The following RNF125 variants were observed in gnomAD, a reference collection of about 807,000 sequenced individuals.
The protein encoded by RNF125 is E3 ubiquitin-protein ligase RNF125.
Under a neutral mutation model 26.0 loss-of-function variants are expected in RNF125, and 21 were observed. The observed-to-expected ratio is 0.81, with a 90% CI of 0.57 to 1.16. The LOEUF (loss-of-function observed/expected upper bound fraction) is 1.16. Ranked by LOEUF, RNF125 falls within the 50% of genes most tolerant of loss-of-function variation. The pLI is 0.00. For missense variants in RNF125, 270 were observed against 299.4 expected (o/e 0.90, Z 0.72); for synonymous variants, 95 against 109.2 (o/e 0.87, Z 0.81).
At chr18:32,034,118 G>T (rs1216549564) in intron 1 of RNF125, among the ~76,000 whole-genome samples, 4 of 152,210 alleles carry the variant, frequency 2.6e-5, no homozygotes, top group African/African-American at 7.2e-5. Flanking sequence ...TCCTGTGCCT[G>T]GTCTGTTTAG....
In RNF125 at chr18:32,042,283, A is replaced by G. The variant is rs2039228446; in HGVS notation, c.413+10A>G. ...AGGAGACAGCAGCAAGGTTTGTTTC[A>G]ATACAATATAGTTTAATGCTAAAAT... On this transcript the variant is annotated intron_variant, in intron 3 of 5. Coordinates refer to ENST00000217740, the MANE Select transcript of RNF125 (RefSeq NM_017831.4). The G allele has an allele frequency of 6.5e-7, 1 of 1,537,714 alleles. No individual in the cohort carries two copies. Among genetic ancestry groups the G allele is most frequent in the Admixed American group, 1.7e-5 (1 of 58,856 alleles).
At chr18:32,073,604 A>T (rs1380227017), downstream of RNF125, among the ~76,000 whole-genome samples, 6 of 152,256 alleles carry the variant, frequency 3.9e-5, no homozygotes, top group African/African-American at 1.4e-4. Context: ...TGAAATTTAA[A>T]AGGTAAGATG....
At chr18:32,037,080 A>G in intron 1 of RNF125, 36 bp from the exon 2 acceptor site, 1 of 1,559,318 alleles carries the variant, frequency 6.4e-7, no homozygotes, top group Non-Finnish European at 8.6e-7. Flanking sequence ...TATAGCTTTC[A>G]AGGAAAGTGA....
the RNF125 span, among the ~76,000 whole-genome samples, chr18:32,085,374 A>AGATT: frequency 1.1e-3 from 2 of 1,784 alleles, no homozygotes; most frequent in Non-Finnish European, 4.3e-3. Context: ...TGCCAGAAGC[A>AGATT]GAGAGAGAGA....
chr18:32,086,338 T>C, the RNF125 span, among the ~76,000 whole-genome samples: 1 of 146,028 alleles, frequency 6.8e-6, no homozygotes, highest in Non-Finnish European at 1.5e-5. Flanking sequence ...TGCACACCAC[T>C]GCACCTAGAT....
At chr18:32,046,521 C>T (rs868685743) in intron 4 of RNF125, among the ~76,000 whole-genome samples, 73 of 145,740 alleles carry the variant, frequency 5.0e-4, no homozygotes, top group African/African-American at 1.7e-3. Flanking sequence ...GGTGTGAACC[C>T]GGGAGGCGGA....
At position 32,038,487 on chromosome 18, in the gene RNF125, T is replaced by C. The variant is rs116147591; in HGVS notation, c.318+1218T>C. Among the ~76,000 whole-genome samples the C allele has an allele frequency of 8.6e-3, 1,316 of 152,338 alleles. 29 individuals carry two copies. The highest frequency in any genetic ancestry group is 0.03 in the African/African-American group (1,234 of 41,578). On this transcript the variant is annotated intron_variant, in intron 2 of 5. Transcript: ENST00000217740. ...ATTACTCCAGTGATCCTCTATGATA[T>C]GTCCTCCAGTTCTGCTACTCTGTTG... is the stretch of plus-strand genomic sequence containing the variant.
chr18:32,088,309 T>C, the RNF125 span, among the ~76,000 whole-genome samples: 2 of 152,158 alleles, frequency 1.3e-5, no homozygotes, highest in African/African-American at 4.8e-5. Context: ...CATGAGCCTC[T>C]CTCCTGTTCC....
intron 4 of RNF125, among the ~76,000 whole-genome samples, chr18:32,052,036 G>A (rs1216808598): frequency 6.6e-6 from 1 of 152,080 alleles, no homozygotes; most frequent in Non-Finnish European, 1.5e-5. Flanking sequence ...CCTTAAGGAA[G>A]GGACAGGACT....
At position 32,018,832 on chromosome 18, in the gene RNF125, G is replaced by A. The variant is rs769478704; in HGVS notation, c.-32G>A. 1 of 1,523,570 alleles carries A rather than the reference G, an allele frequency of 6.6e-7. No individual in the cohort carries two copies. The allele number at this position is 1,523,570 out of a possible 1,614,324, so 94.4% of individuals were successfully genotyped here. On this transcript the variant is annotated 5_prime_UTR_variant, in exon 1 of 6. Coordinates refer to ENST00000217740, the MANE Select transcript of RNF125 (RefSeq NM_017831.4). ...AACAACCCTGCGGCAGGCACTGAGTGCTTCGCAGCTGTCTGGGCGAGAGGC... is the reference window on the plus strand; with the variant it reads ...AACAACCCTGCGGCAGGCACTGAGTACTTCGCAGCTGTCTGGGCGAGAGGC...
the RNF125 span, among the ~76,000 whole-genome samples, chr18:32,083,396 ATATT>A: frequency 6.6e-6 from 1 of 152,176 alleles, no homozygotes; most frequent in African/African-American, 2.4e-5. Flanking sequence ...AAATGCCTAT[ATATT>A]AAGGGGTAAG....
Position 32,036,604 on chromosome 18 carries a change from G to T in RNF125, c.165-512G>T, listed in dbSNP as rs1012558436. Among the ~76,000 whole-genome samples, 332 of 135,394 alleles carry T rather than the reference G, an allele frequency of 2.5e-3. 2 individuals carry two copies. The highest frequency in any genetic ancestry group is 8.7e-3 in the African/African-American group (318 of 36,412). 88.8% of individuals were successfully genotyped at this position (135,394 alleles called of 152,430 possible). On this transcript the variant is annotated intron_variant, in intron 1 of 5. Coordinates refer to ENST00000217740, the MANE Select transcript of RNF125 (RefSeq NM_017831.4). ...AGGAAAGGAAGGAAGGAAGAAGGGA[G>T]GGAGGGAAGGAGGGAGGGGAGAGGG...
intron 4 of RNF125, among the ~76,000 whole-genome samples, chr18:32,053,543 T>C (rs2039349256): frequency 6.6e-6 from 1 of 151,938 alleles, no homozygotes; most frequent in South Asian, 2.1e-4. Flanking sequence ...TTTGGAAGGC[T>C]AAAGCAGGCA....
chr18:32,020,387 T>C (rs1440311431), intron 1 of RNF125, among the ~76,000 whole-genome samples: 3 of 151,950 alleles, frequency 2.0e-5, no homozygotes, highest in Non-Finnish European at 4.4e-5. Context: ...GATACGTGTG[T>C]GTGTGTTGTG....
At chr18:32,028,503 G>T (rs1417017151) in intron 1 of RNF125, among the ~76,000 whole-genome samples, 4 of 151,342 alleles carry the variant, frequency 2.6e-5, no homozygotes, top group African/African-American at 9.7e-5. Context: ...AGCTTTTCAG[G>T]GTTTTTCCTT....
At chr18:32,056,151 C>T (rs984036634) in intron 4 of RNF125, among the ~76,000 whole-genome samples, 1 of 151,858 alleles carries the variant, frequency 6.6e-6, no homozygotes, top group Non-Finnish European at 1.5e-5. Flanking sequence ...GATTCTTACT[C>T]TCTTCAGTAT....
chr18:32,036,708 CT>C (rs2039159617), intron 1 of RNF125, among the ~76,000 whole-genome samples: 1 of 151,694 alleles, frequency 6.6e-6, no homozygotes, highest in South Asian at 2.1e-4. Flanking sequence ...TATAATGTGT[CT>C]GGTATTTTTA....
the RNF125 span, among the ~76,000 whole-genome samples, chr18:32,086,277 G>A: frequency 1.3e-5 from 2 of 149,692 alleles, no homozygotes; most frequent in Non-Finnish European, 3.0e-5. Flanking sequence ...TAGGACTCCT[G>A]GGCTCAAGCA....
At chr18:32,065,830 C>A in intron 4 of RNF125, 72 bp from the exon 5 acceptor site, 1 of 1,098,368 alleles carries the variant, frequency 9.1e-7, no homozygotes, top group Non-Finnish European at 1.4e-6. Flanking sequence ...CGCGCCCAGC[C>A]GTTGTTTTTA....
Sources: gnomAD v4.1 joint callset for allele counts (sites outside exome capture counted in the v4.1 genomes callset) on GRCh38, gnomAD v4.1.1 for gene constraint, MANE v1.5 for transcripts, NCBI Gene and HGNC (gene_info 2026-07-23, HGNC 2026-07-21) for gene names.